DNAH1: variants seen among roughly 807,000 people sequenced by gnomAD.
DNAH1 encodes dynein axonemal heavy chain 1.
A neutral mutation model predicts 484.3 loss-of-function variants in DNAH1; 327 were observed. The ratio of observed to expected loss-of-function variants is 0.68; its 90% CI spans 0.62 to 0.74. DNAH1 has a LOEUF of 0.74. DNAH1 is among the 30% of genes least tolerant of loss of function. DNAH1 has a pLI of 0.00. For synonymous variants in DNAH1, 2,192 were observed against 2,191.9 expected (o/e 1.00, Z 0.00); for missense variants, 5,052 against 5,546.8 (o/e 0.91, Z 2.83).
chr3:52,335,433 G>A (rs1408319951), intron 8 of DNAH1, among the ~76,000 whole-genome samples: 24 of 124,424 alleles, frequency 1.9e-4, no homozygotes, highest in African/African-American at 7.3e-4. Flanking sequence ...CTTCTCTCCC[G>A]AGTAGCTGGA....
chr3:52,378,554 A>G (rs776529168), intron 46 of DNAH1, 48 bp from the exon 47 acceptor site: 1 of 1,594,560 alleles, frequency 6.3e-7, no homozygotes, highest in South Asian at 1.1e-5. Context: ...CAGAGGCGGC[A>G]GAGGGAGCTC....
At position 52,361,104 on chromosome 3, in the gene DNAH1, A is replaced by G; in HGVS notation, c.4686-60A>G. 4 of 1,377,546 alleles carry G rather than the reference A, an allele frequency of 2.9e-6. No homozygotes were observed. Among genetic ancestry groups the G allele is most frequent in the Non-Finnish European group, 3.8e-6 (4 of 1,057,824 alleles). 85.3% of individuals were successfully genotyped at this position (1,377,546 alleles called of 1,614,324 possible). A position where few individuals can be genotyped will look rare whatever the true frequency, so the allele number is the denominator to read the frequency against. On this transcript the variant is annotated intron_variant, in intron 28 of 77. Coordinates refer to ENST00000420323, the MANE Select transcript of DNAH1 (RefSeq NM_015512.5). The surrounding 1 kb of genome is among the most constrained non-coding windows in gnomAD (Gnocchi z 5.6). ...AGGCCCCAGTCCACAGGAAATTCCA[A>G]GGAAAGGGGGAGTGTCCAGGCCATG...
intron 1 of DNAH1, among the ~76,000 whole-genome samples, chr3:52,320,572 C>T (rs73838354): frequency 1.3e-5 from 2 of 152,300 alleles, no homozygotes; most frequent in Admixed American, 1.3e-4. Context: ...CCACCCACCC[C>T]ACTCCTCAAG....
intron 3 of DNAH1, among the ~76,000 whole-genome samples, chr3:52,325,731 A>C (rs1156783247): frequency 6.6e-6 from 1 of 152,170 alleles, no homozygotes; most frequent in Non-Finnish European, 1.5e-5. Context: ...AATGAATATC[A>C]GACTCCAATA....
intron 44 of DNAH1, chr3:52,374,428 T>C: frequency 3.0e-6 from 4 of 1,331,414 alleles, no homozygotes; most frequent in Non-Finnish European, 4.3e-6. Flanking sequence ...ATGACACTTC[T>C]CAAATGCTGG....
Position 52,368,327 on chromosome 3 carries a change from C to T in DNAH1, c.5766-414C>T, listed in dbSNP as rs1478952912. Among the ~76,000 whole-genome samples, 1 of 152,202 alleles carries T rather than the reference C, an allele frequency of 6.6e-6. No homozygotes were observed. Among genetic ancestry groups the T allele is most frequent in the Non-Finnish European group, 1.5e-5 (1 of 68,032 alleles). On this transcript the variant is annotated intron_variant, in intron 36 of 77. Coordinates refer to ENST00000420323, the MANE Select transcript of DNAH1 (RefSeq NM_015512.5). This position sits in a 1 kb window ranked among gnomAD's most constrained non-coding sequence, Gnocchi z 4.4. ...TCTTCATCAGCCCTACCAGCCCCTTCCCTGGTGCGTGCTGCCTCTGAGGTC... is the reference window on the plus strand; with the variant it reads ...TCTTCATCAGCCCTACCAGCCCCTTTCCTGGTGCGTGCTGCCTCTGAGGTC...
Position 52,356,677 on chromosome 3 carries a change from T to C in DNAH1, c.3757T>C (p.Ser1253Pro), listed in dbSNP as rs1179490837. Reference sequence around the variant, plus strand: ...GCTCTACCTGGAGCCCATCTTTAGCTCTGAGGACATCAACCAGCAGCTGCC... The same window carrying C: ...GCTCTACCTGGAGCCCATCTTTAGCCCTGAGGACATCAACCAGCAGCTGCC... ...SWLYLEPIFSSEDINQQLPVE... is the reference protein window; with the variant it reads ...SWLYLEPIFSPEDINQQLPVE... The change falls in exon 22 of 78, where the codon TCT becomes CCT. Residue 1253 changes from serine to proline, a missense_variant. Around this residue, in one of 4 missense-constraint regions of DNAH1, gnomAD observed 2,929 missense variants for 3,409.4 expected, o/e 0.86. Coordinates refer to ENST00000420323, the MANE Select transcript of DNAH1 (RefSeq NM_015512.5). 6.2e-7 allele frequency: 1 copy of C among 1,613,874 alleles called. No homozygotes were observed. Among genetic ancestry groups the C allele is most frequent in the Non-Finnish European group, 8.5e-7 (1 of 1,179,890 alleles).
At chr3:52,378,491 G>T in intron 46 of DNAH1, 111 bp from the exon 47 acceptor site, 1 of 1,190,286 alleles carries the variant, frequency 8.4e-7, no homozygotes, top group Non-Finnish European at 1.2e-6. Flanking sequence ...GAAGGCTGGG[G>T]AAGGGGCTTG....
rs1421302152 is a variant in DNAH1 at position 52,353,126 on chromosome 3, G to T, written c.3051G>T (p.Val1017=). The change falls in exon 19 of 78, where the codon GTG becomes GTT. Residue 1017 remains valine (V), a synonymous_variant. Coordinates refer to ENST00000420323, the MANE Select transcript of DNAH1 (RefSeq NM_015512.5). This position sits in a 1 kb window ranked among gnomAD's most constrained non-coding sequence, Gnocchi z 5.0. ...AGTATGACAAGCTCTCCAGGATGGT[G>T]AAGGAGTTCCAACCCTACCTGGACC... The part of the protein sequence containing the change: ...ITNYDKLSRM[V]KEFQPYLDLW... 8.1e-6 allele frequency: 13 copies of T among 1,613,698 alleles called. No homozygotes were observed. The highest frequency in any genetic ancestry group is 1.1e-5 in the Non-Finnish European group (13 of 1,179,808).
In DNAH1 at chr3:52,394,928, G is replaced by A; in HGVS notation, c.10837G>A (p.Gly3613Ser). 6.2e-7 allele frequency: 1 copy of A among 1,613,514 alleles called. No homozygotes were observed. The highest frequency in any genetic ancestry group is 8.5e-7 in the Non-Finnish European group (1 of 1,179,740). Residue 3613 changes from glycine to serine, a missense_variant, in exon 68 of 78, where the codon GGC becomes AGC. Coordinates refer to ENST00000420323, the MANE Select transcript of DNAH1 (RefSeq NM_015512.5). ...CCACTGTTGCAGGGAGCCTTTGCCT[G>A]GCATCTGGGACCAGTACCTAGACCA... ...SLEPHREPLP[G>S]IWDQYLDQFQ...
chr3:52,383,908 G>T lies in DNAH1; in HGVS notation c.8199G>T (p.Leu2733=), dbSNP rs1703976951. The T allele has an allele frequency of 3.1e-6, 5 of 1,611,340 alleles. No homozygotes were observed. Among genetic ancestry groups the T allele is most frequent in the Non-Finnish European group, 4.2e-6 (5 of 1,178,210 alleles). The change falls in exon 52 of 78, where the codon CTG becomes CTT. Residue 2733 remains leucine, a synonymous_variant. Coordinates refer to ENST00000420323, the MANE Select transcript of DNAH1 (RefSeq NM_015512.5). ...CTCGTCTGAGGCAGTTTCCCTCCCT[G>T]GTCAACTGCTGTACCATCGACTGGT... is the stretch of plus-strand genomic sequence containing the variant. ...FRARLRQFPS[L]VNCCTIDWFN...
intron 6 of DNAH1, among the ~76,000 whole-genome samples, chr3:52,328,652 C>T (rs1330737230): frequency 6.6e-6 from 1 of 152,266 alleles, no homozygotes; most frequent in East Asian, 1.9e-4. Context: ...CCCTTGGCTG[C>T]TCCTTTGGCC....
rs1418695580 is a variant in DNAH1, at chr3:52,395,336, A to T, written c.10997A>T (p.Asp3666Val). The change falls in exon 69 of 78, where the codon GAC becomes GTC. Residue 3666 changes from aspartate to valine, a missense_variant. By Grantham distance (152) the Asp-to-Val change is radical. Transcript: ENST00000420323. The surrounding 1 kb of genome is among the most constrained non-coding windows in gnomAD (Gnocchi z 4.4). ...QTANLSVVFK[D>V]SNSTTPLIFV... Reference sequence around the variant, plus strand: ...GCCAATCTGTCAGTGGTGTTCAAAGACTCCAACTCCACCACACCCCTCATC... The same window carrying T: ...GCCAATCTGTCAGTGGTGTTCAAAGTCTCCAACTCCACCACACCCCTCATC... The T allele has an allele frequency of 6.6e-5, 107 of 1,613,158 alleles. No individual in the cohort carries two copies. The highest frequency in any genetic ancestry group is 9.1e-5 in the Non-Finnish European group (107 of 1,179,754).
intron 44 of DNAH1, 68 bp downstream of exon 44, chr3:52,373,121 G>C: frequency 6.7e-7 from 1 of 1,492,850 alleles, no homozygotes; most frequent in South Asian, 1.3e-5. Flanking sequence ...AGGAGGCACA[G>C]CACTGAAGGC....
intron 1 of DNAH1, among the ~76,000 whole-genome samples, chr3:52,318,361 A>G (rs1221434114): frequency 1.3e-5 from 2 of 152,176 alleles, no homozygotes; most frequent in Non-Finnish European, 2.9e-5. Context: ...GTGCACTTCA[A>G]ACAGCCTTGC....
intron 34 of DNAH1, among the ~76,000 whole-genome samples, chr3:52,365,461 C>G (rs1334647263): frequency 1.3e-5 from 2 of 152,270 alleles, no homozygotes; most frequent in African/African-American, 4.8e-5. Flanking sequence ...AGTGACACCC[C>G]TGGCGTCACT....
chr3:52,335,972 T>C (rs2153223402), intron 8 of DNAH1, among the ~76,000 whole-genome samples: 1 of 152,358 alleles, frequency 6.6e-6, no homozygotes. Flanking sequence ...TTCATTTTTT[T>C]CCTTGTACAG....
chr3:52,321,763 T>C (rs908557698), intron 1 of DNAH1: 1 of 152,372 alleles, frequency 6.6e-6, no homozygotes, highest in African/African-American at 2.4e-5. Flanking sequence ...AATGCTATTT[T>C]GTTGCTGGTA....
Position 52,347,926 on chromosome 3 carries a change from C to T in DNAH1, c.2058C>T (p.Leu686=). Residue 686 remains leucine (L), a synonymous_variant, in exon 12 of 78, where the codon CTC becomes CTT. Coordinates refer to ENST00000420323, the MANE Select transcript of DNAH1 (RefSeq NM_015512.5). The part of the protein sequence containing the change: ...LEQFEASLLN[L]FDKGILATHA... ...AGTTTGAGGCATCTCTGCTGAACCT[C>T]TTCGACAAGGGCATCCTGGCCACCC... 6 of 1,610,916 alleles carry T rather than the reference C, an allele frequency of 3.7e-6. No homozygotes were observed. The highest frequency in any genetic ancestry group is 5.1e-6 in the Non-Finnish European group (6 of 1,178,612).
Sources: allele counts gnomAD v4.1 joint callset (sites outside exome capture counted in the v4.1 genomes callset), GRCh38; gene constraint gnomAD v4.1.1; regional missense constraint gnomAD v4.1.1; non-coding constraint Gnocchi (gnomAD v3.1); transcripts MANE v1.5; gene names NCBI Gene and HGNC (gene_info 2026-07-23, HGNC 2026-07-21).